Variants in ESYT3 observed in about 807,000 individuals in gnomAD.
ESYT3 encodes the protein extended synaptotagmin 3.
In ESYT3, 101 loss-of-function variants were observed where a neutral mutation model predicts 111.5. The ratio of observed to expected loss-of-function variants is 0.91; its 90% CI spans 0.77 to 1.07. The LOEUF (loss-of-function observed/expected upper bound fraction) is 1.07, where lower values mean the gene tolerates loss of function less well. Among genes scored for constraint, ESYT3 ranks in the 50% least tolerant of loss-of-function variants. The pLI, the probability that ESYT3 is intolerant of heterozygous loss-of-function variation, is 0.00. For synonymous variants in ESYT3, 416 were observed against 446.8 expected, an observed-to-expected ratio of 0.93 and a Z score of 0.87; for missense variants, 1,097 against 1,109.4, an observed-to-expected ratio of 0.99 and a Z score of 0.16.
intron 10 of ESYT3, among the ~76,000 whole-genome samples, chr3:138,466,292 G>GTT (rs1329223183): frequency 6.6e-6 from 1 of 152,184 alleles, no homozygotes; most frequent in Non-Finnish European, 1.5e-5. Flanking sequence ...TTGCTGTGTT[G>GTT]TTTAGCTTGT....
rs1025605566 is a variant in ESYT3 at position 138,479,803 on chromosome 3, T to G, written c.*2949T>G. ...GAGGCACTTAGTTTCTAACTTCCTT[T>G]CTTGTTCACTCTCCCTTACCCCTGG... On this transcript the variant is annotated 3_prime_UTR_variant, in exon 23 of 23. Coordinates refer to ENST00000389567, the MANE Select transcript of ESYT3 (RefSeq NM_031913.5). The G allele has an allele frequency of 2.0e-5, 3 of 152,206 alleles. No individual in the cohort carries two copies. The highest frequency in any genetic ancestry group is 7.2e-5 in the African/African-American group (3 of 41,444). 9.4% of individuals were successfully genotyped at this position (152,206 alleles called of 1,614,324 possible).
intron 1 of ESYT3, among the ~76,000 whole-genome samples, chr3:138,444,699 G>A (rs887406523): frequency 1.3e-5 from 2 of 152,212 alleles, no homozygotes; most frequent in African/African-American, 4.8e-5. Flanking sequence ...ACCTTTTAGA[G>A]GGCAGAGCAG....
In ESYT3 at chr3:138,460,027, A is replaced by C; in HGVS notation, c.731A>C (p.Gln244Pro). The C allele has an allele frequency of 6.2e-7, 1 of 1,614,132 alleles. No individual in the cohort carries two copies. Residue 244 changes from glutamine to proline, a missense_variant, in exon 6 of 23, where the codon CAG becomes CCG. Transcript: ENST00000389567. Reference sequence around the variant, plus strand: ...GGAGCCGTGACTGTGTTCTTCCTTCAGAAGCCGGTGAGTCCCAAGGACTGC... The same window carrying C: ...GGAGCCGTGACTGTGTTCTTCCTTCCGAAGCCGGTGAGTCCCAAGGACTGC... ...FVGAVTVFFLQKPHLQINWTG... is the reference protein window; with the variant it reads ...FVGAVTVFFLPKPHLQINWTG...
At chr3:138,446,032 G>T (rs2108597089) in intron 1 of ESYT3, among the ~76,000 whole-genome samples, 2 of 152,316 alleles carry the variant, frequency 1.3e-5, no homozygotes, top group South Asian at 4.2e-4. Context: ...GGGTAATCTT[G>T]TTTAAGTACT....
rs200763773 is a variant in ESYT3, at chr3:138,455,270, G to T, written c.446G>T (p.Arg149Leu). 8 of 1,613,996 alleles carry T rather than the reference G, an allele frequency of 5.0e-6. No individual in the cohort carries two copies. The African/African-American group carries it at 6.7e-5, about 13-fold the overall frequency. Residue 149 changes from arginine to leucine, a missense_variant, in exon 3 of 23, where the codon CGA (arginine) becomes CTA (leucine). Arg to Leu is a moderately radical substitution (Grantham distance 102, BLOSUM62 -2). Coordinates refer to ENST00000389567, the MANE Select transcript of ESYT3 (RefSeq NM_031913.5). ...KFREKLEPKI[R>L]EKSIHLRTFT... ...CGGGAGAAACTTGAGCCCAAGATCC[G>T]AGAGAAGAGCATCCACCTGAGGACC...
intron 3 of ESYT3, among the ~76,000 whole-genome samples, chr3:138,456,762 G>T (rs773545253): frequency 6.6e-6 from 1 of 152,146 alleles, no homozygotes; most frequent in Non-Finnish European, 1.5e-5. Context: ...CCCCACCCCC[G>T]GTCTGTGGGA....
intron 9 of ESYT3, among the ~76,000 whole-genome samples, chr3:138,464,943 TCTC>T (rs764711986): frequency 5.3e-5 from 8 of 152,192 alleles, no homozygotes; most frequent in East Asian, 1.9e-4. Context: ...CCTCTCAACT[TCTC>T]CTCTCAATAT....
intron 19 of ESYT3, 26 bp downstream of exon 19, chr3:138,473,660 G>T: frequency 1.2e-6 from 2 of 1,600,602 alleles, no homozygotes; most frequent in Non-Finnish European, 1.7e-6. Context: ...GGCCAGGGAG[G>T]TCCTTTGGGA....
At chr3:138,468,741 G>C (rs2033064664) in intron 13 of ESYT3, 24 bp downstream of exon 13, 1 of 1,614,052 alleles carries the variant, frequency 6.2e-7, no homozygotes, top group Non-Finnish European at 8.5e-7. Flanking sequence ...TGTCCAGAGT[G>C]TCACACAAAC....
At chr3:138,460,118 C>T in intron 6 of ESYT3, 84 bp downstream of exon 6, 1 of 1,194,342 alleles carries the variant, frequency 8.4e-7, no homozygotes, top group Non-Finnish European at 1.2e-6. Context: ...GGTTTGAGTC[C>T]AAGAATGGAC....
At chr3:138,463,059 TAG>T (rs2032734456) in intron 8 of ESYT3, among the ~76,000 whole-genome samples, 1 of 152,130 alleles carries the variant, frequency 6.6e-6, no homozygotes, top group Non-Finnish European at 1.5e-5. Context: ...GGCAGCATAG[TAG>T]AGTTTTCCCC....
intron 15 of ESYT3, 75 bp from the exon 16 acceptor site, chr3:138,469,985 G>A: frequency 7.6e-7 from 1 of 1,318,034 alleles, no homozygotes; most frequent in Non-Finnish European, 1.1e-6. Flanking sequence ...GGTGGCCAGA[G>A]TGATAGCAGA....
intron 8 of ESYT3, among the ~76,000 whole-genome samples, chr3:138,462,948 C>T (rs1465249216): frequency 6.6e-6 from 1 of 152,186 alleles, no homozygotes; most frequent in Non-Finnish European, 1.5e-5. Context: ...CAGGCATGAG[C>T]CACCACACCT....
chr3:138,457,612 C>T lies in ESYT3; in HGVS notation c.549C>T (p.Asn183=). ...NGVKAHTNTC[N]RRRVTVDLQI... is the part of the protein sequence containing the mutation. ...TCAAGGCACACACTAATACGTGCAA[C>T]CGAAGACGTGTGACTGTGGACCTGC... The change falls in exon 4 of 23, where the codon AAC becomes AAT. Residue 183 remains asparagine (N), a synonymous_variant. Transcript: ENST00000389567. 1 of 1,614,178 alleles carries T rather than the reference C, an allele frequency of 6.2e-7. No homozygotes were observed. Among genetic ancestry groups the T allele is most frequent in the Non-Finnish European group, 8.5e-7 (1 of 1,180,042 alleles).
Position 138,434,685 on chromosome 3 carries a change from A to G in ESYT3, c.-114A>G, listed in dbSNP as rs2030476570. 4.1e-5 allele frequency: 39 copies of G among 956,338 alleles called. No individual in the cohort carries two copies. The South Asian group carries it at 6.7e-4, about 17-fold the overall frequency. 59.2% of individuals were successfully genotyped at this position (956,338 alleles called of 1,614,324 possible). A position where few individuals can be genotyped will look rare whatever the true frequency, so the allele number is the denominator to read the frequency against. Reference sequence around the variant, plus strand: ...GCGCGCCGAGAGTCCCAGCAGGGCAAGGGGGCGCGGCGTCCTGGTCCTCGA... The same window carrying G: ...GCGCGCCGAGAGTCCCAGCAGGGCAGGGGGGCGCGGCGTCCTGGTCCTCGA... On this transcript the variant is annotated 5_prime_UTR_variant, in exon 1 of 23. Coordinates refer to ENST00000389567, the MANE Select transcript of ESYT3 (RefSeq NM_031913.5).
rs538843191 is a variant in ESYT3, at chr3:138,440,479, C to T, written c.327+5354C>T. 6.6e-6 allele frequency among the ~76,000 whole-genome samples: 1 copy of T among 152,296 alleles called. No individual in the cohort carries two copies. Among genetic ancestry groups the T allele is most frequent in the South Asian group, 2.1e-4 (1 of 4,824 alleles). On this transcript the variant is annotated intron_variant, in intron 1 of 22. Transcript: ENST00000389567. The surrounding 1 kb of genome is among the most constrained non-coding windows in gnomAD (Gnocchi z 4.2). ...AAATGCAGTGACAGCTCTGAGCTAGCCTGGGCACTCTCAGATTAGATCACA... is the reference window on the plus strand; with the variant it reads ...AAATGCAGTGACAGCTCTGAGCTAGTCTGGGCACTCTCAGATTAGATCACA...
At chr3:138,459,794 C>T (rs889160003) in intron 5 of ESYT3, 151 bp from the exon 6 acceptor site, 3 of 647,260 alleles carry the variant, frequency 4.6e-6, no homozygotes, top group African/African-American at 3.6e-5. Flanking sequence ...AGTACGGTTC[C>T]TGCTGTGAGA....
At position 138,455,254 on chromosome 3, in the gene ESYT3, C is replaced by T. The variant is rs1202006860; in HGVS notation, c.430C>T (p.Leu144Phe). ...CATGGAAAGCAAGTTCCGGGAGAAACTTGAGCCCAAGATCCGAGAGAAGAG... is the reference window on the plus strand; with the variant it reads ...CATGGAAAGCAAGTTCCGGGAGAAATTTGAGCCCAAGATCCGAGAGAAGAG... ...MIMESKFREK[L>F]EPKIREKSIH... is the part of the protein sequence containing the mutation. Residue 144 changes from leucine to phenylalanine, a missense_variant, in exon 3 of 23, where the codon CTT becomes TTT. Coordinates refer to ENST00000389567, the MANE Select transcript of ESYT3 (RefSeq NM_031913.5). The T allele has an allele frequency of 1.2e-6, 2 of 1,614,182 alleles. No homozygotes were observed. Among genetic ancestry groups the T allele is most frequent in the Admixed American group, 3.3e-5 (2 of 60,022 alleles).
chr3:138,467,990 A>G, intron 11 of ESYT3, 115 bp from the exon 12 acceptor site: 1 of 849,718 alleles, frequency 1.2e-6, no homozygotes, highest in South Asian at 1.6e-5. Flanking sequence ...TTCCCATACT[A>G]GGACAGGTTT....
Sources: gnomAD v4.1 joint callset for allele counts (sites outside exome capture counted in the v4.1 genomes callset) on GRCh38, gnomAD v4.1.1 for gene constraint, Gnocchi (gnomAD v3.1) non-coding constraint, MANE v1.5 for transcripts, NCBI Gene and HGNC (gene_info 2026-07-23, HGNC 2026-07-21) for gene names.